Variants in ATXN8OS observed in about 807,000 individuals in gnomAD.
ATXN8OS encodes the protein ATXN8 opposite strand (non-protein coding).
At chr13:70,110,401 C>T (rs1039173085) in intron 1 of ATXN8OS, among the ~76,000 whole-genome samples, 14 of 151,414 alleles carry the variant, frequency 9.2e-5, no homozygotes, top group Admixed American at 1.3e-4. Flanking sequence ...AATTAAATTA[C>T]GCATGAAGTT....
In ATXN8OS at chr13:70,168,745, T is replaced by C. The variant is rs558720865; in HGVS notation, n.574-1008T>C. The stretch of plus-strand genomic sequence containing the variant: ...TATTCCTTTTCATGTCCCAGTAATA[T>C]CCCATTGTATATATATTTTCTTTCA... On this transcript the variant is annotated intron_variant and non_coding_transcript_variant, in intron 4 of 4. Coordinates refer to ENST00000678624, the Ensembl canonical transcript of ATXN8OS. 4.7e-4 allele frequency among the ~76,000 whole-genome samples: 72 copies of C among 152,208 alleles called. 1 individual carries two copies. The highest frequency in any genetic ancestry group is 1.7e-3 in the African/African-American group (70 of 41,558).
At position 70,145,995 on chromosome 13, in the gene ATXN8OS, A is replaced by G. The variant is rs1352810211; in HGVS notation, n.500-1360A>G. Among the ~76,000 whole-genome samples the G allele has an allele frequency of 7.4e-3, 1,065 of 143,008 alleles. 12 individuals carry two copies. The highest frequency in any genetic ancestry group is 0.026 in the African/African-American group (993 of 38,714). The allele number at this position is 143,008 out of a possible 152,430, so 93.8% of individuals were successfully genotyped here. ...CAGGCAACCTACAAAATGGGAGAAAATTTTCACAACCTACTCATCTGACAA... is the reference window on the plus strand; with the variant it reads ...CAGGCAACCTACAAAATGGGAGAAAGTTTTCACAACCTACTCATCTGACAA... On this transcript the variant is annotated intron_variant and non_coding_transcript_variant, in intron 3 of 4. Transcript: ENST00000678624.
intron 3 of ATXN8OS, among the ~76,000 whole-genome samples, chr13:70,146,628 A>G (rs1381014575): frequency 2.0e-5 from 3 of 152,114 alleles, no homozygotes; most frequent in Admixed American, 1.3e-4. Flanking sequence ...CATGGATGAA[A>G]CTGGAAACCA....
intron 4 of ATXN8OS, among the ~76,000 whole-genome samples, chr13:70,159,163 C>A (rs1399107499): frequency 2.9e-5 from 4 of 137,248 alleles, no homozygotes; most frequent in Non-Finnish European, 6.3e-5. Context: ...TTCTCTCCTT[C>A]CCTCCACCAC....
chr13:70,167,219 A>G lies in ATXN8OS; in HGVS notation n.574-2534A>G, dbSNP rs555526914. On this transcript the variant is annotated intron_variant and non_coding_transcript_variant, in intron 4 of 4. Coordinates refer to ENST00000678624, the Ensembl canonical transcript of ATXN8OS. Reference sequence around the variant, plus strand: ...CTGCTATAAAGACACATGCACATGTATGTTTATTGTGTCACTATTCACAAT... The same window carrying G: ...CTGCTATAAAGACACATGCACATGTGTGTTTATTGTGTCACTATTCACAAT... 5.3e-5 allele frequency among the ~76,000 whole-genome samples: 8 copies of G among 152,296 alleles called. No individual in the cohort carries two copies. In the South Asian group the frequency reaches 1.4e-3, roughly 28 times the overall value.
chr13:70,171,206 C>G (rs1220453287), exon 5 of ATXN8OS, among the ~76,000 whole-genome samples: 1 of 152,050 alleles, frequency 6.6e-6, no homozygotes, highest in Admixed American at 6.6e-5. Context: ...TTTGCATTTG[C>G]CTTCTTCCAA....
Position 70,167,216 on chromosome 13 carries a change from T to G in ATXN8OS, n.574-2537T>G, listed in dbSNP as rs1003928915. Among the ~76,000 whole-genome samples, 4 of 152,122 alleles carry G rather than the reference T, an allele frequency of 2.6e-5. 1 individual carries two copies. Among genetic ancestry groups the G allele is most frequent in the Non-Finnish European group, 5.9e-5 (4 of 67,994 alleles). The stretch of plus-strand genomic sequence containing the variant: ...ATGCTGCTATAAAGACACATGCACA[T>G]GTATGTTTATTGTGTCACTATTCAC... On this transcript the variant is annotated intron_variant and non_coding_transcript_variant, in intron 4 of 4. Coordinates refer to ENST00000678624, the Ensembl canonical transcript of ATXN8OS.
intron 4 of ATXN8OS, among the ~76,000 whole-genome samples, chr13:70,156,185 CTT>C (rs1020929657): frequency 3.2e-4 from 49 of 151,864 alleles, no homozygotes; most frequent in African/African-American, 1.2e-3. Flanking sequence ...CTTTCTTACT[CTT>C]TTGATTTTCT....
At chr13:70,151,660 C>T (rs553324177) in intron 4 of ATXN8OS, among the ~76,000 whole-genome samples, 1 of 152,168 alleles carries the variant, frequency 6.6e-6, no homozygotes, top group East Asian at 1.9e-4. Context: ...CTTTGAATGT[C>T]AAGCTAAGAA....
intron 3 of ATXN8OS, among the ~76,000 whole-genome samples, chr13:70,134,030 TTG>T (rs1340794567): frequency 2.0e-5 from 3 of 152,324 alleles, no homozygotes; most frequent in Non-Finnish European, 4.4e-5. Context: ...TATCGGGTTG[TTG>T]TGTTTTATTT....
At chr13:70,157,006 T>G (rs1460161942) in intron 4 of ATXN8OS, among the ~76,000 whole-genome samples, 4 of 152,062 alleles carry the variant, frequency 2.6e-5, no homozygotes, top group Non-Finnish European at 4.4e-5. Context: ...AATTAGGAAA[T>G]AACATACCGT....
At chr13:70,142,102 T>G (rs1429366808) in intron 3 of ATXN8OS, among the ~76,000 whole-genome samples, 1 of 152,142 alleles carries the variant, frequency 6.6e-6, no homozygotes, top group African/African-American at 2.4e-5. Context: ...CAGGCTGGTC[T>G]CAAACTCCTG....
chr13:70,167,028 G>A (rs1217491794), intron 4 of ATXN8OS, among the ~76,000 whole-genome samples: 1 of 151,910 alleles, frequency 6.6e-6, no homozygotes, highest in African/African-American at 2.4e-5. Context: ...AGGTGCTGGA[G>A]AGGTTGTGGA....
intron 2 of ATXN8OS, among the ~76,000 whole-genome samples, chr13:70,121,852 A>G (rs1214233653): frequency 1.3e-5 from 2 of 152,052 alleles, no homozygotes; most frequent in African/African-American, 4.8e-5. Flanking sequence ...AAGAAGAAGG[A>G]GGAATGTTAT....
chr13:70,137,172 T>A (rs573165697), intron 3 of ATXN8OS, among the ~76,000 whole-genome samples: 4 of 152,334 alleles, frequency 2.6e-5, no homozygotes, highest in African/African-American at 7.2e-5. Context: ...TCATTAATAG[T>A]CACTGGTTTA....
intron 3 of ATXN8OS, among the ~76,000 whole-genome samples, chr13:70,134,211 A>G (rs159607): frequency 0.88 from 134,425 of 152,206 alleles, 59,509 homozygotes; most frequent in East Asian, 1. Flanking sequence ...CTAAGTGTAA[A>G]TTACAAAACA....
chr13:70,115,414 CAGA>C (rs1888264421), intron 2 of ATXN8OS: 1 of 395,580 alleles, frequency 2.5e-6, no homozygotes, highest in Non-Finnish European at 4.5e-6. Flanking sequence ...AAGTTTCCAA[CAGA>C]AGAATGTGAA....
At chr13:70,139,071 G>A (rs964709820) in intron 3 of ATXN8OS, among the ~76,000 whole-genome samples, 2 of 151,862 alleles carry the variant, frequency 1.3e-5, no homozygotes, top group East Asian at 1.9e-4. Context: ...ATCATTTATC[G>A]AAGTATGAGA....
chr13:70,155,588 C>T (rs557505739), intron 4 of ATXN8OS, among the ~76,000 whole-genome samples: 4 of 152,206 alleles, frequency 2.6e-5, no homozygotes, highest in African/African-American at 9.6e-5. Context: ...GGAGAAACAC[C>T]TTTCTCCATT....
Sources: allele counts gnomAD v4.1 joint callset (sites outside exome capture counted in the v4.1 genomes callset), GRCh38; gene constraint gnomAD v4.1.1; transcripts MANE v1.5; gene names NCBI Gene and HGNC (gene_info 2026-07-23, HGNC 2026-07-21).